Variants in TSNARE1 observed in about 807,000 individuals in gnomAD.
The protein encoded by TSNARE1 is t-SNARE domain-containing protein 1.
Under a neutral mutation model 62.0 loss-of-function variants are expected in TSNARE1, and 49 were observed. That is an observed-to-expected ratio of 0.79 (90% CI 0.63 to 1.00). The LOEUF is 1.00. Among genes scored for constraint, TSNARE1 ranks in the 50% least tolerant of loss-of-function variants. The pLI, the probability that TSNARE1 is intolerant of heterozygous loss-of-function variation, is 0.00. For missense variants in TSNARE1, 755 were observed against 700.1 expected (o/e 1.08, Z -0.88); for synonymous variants, 328 against 294.4 (o/e 1.11, Z -1.17).
chr8:142,253,990 G>A (rs950493587), intron 12 of TSNARE1, among the ~76,000 whole-genome samples: 52 of 152,240 alleles, frequency 3.4e-4, no homozygotes, highest in African/African-American at 9.9e-4. Context: ...GAGAGAAGAC[G>A]CCAAGCCTTT....
intron 11 of TSNARE1, chr8:142,280,009 C>T: frequency 3.3e-6 from 4 of 1,204,760 alleles, no homozygotes; most frequent in Non-Finnish European, 4.2e-6. Flanking sequence ...CAGGTCCCGC[C>T]ACTTGTGCTT....
intron 12 of TSNARE1, among the ~76,000 whole-genome samples, chr8:142,263,618 A>T (rs1037216596): frequency 6.6e-6 from 1 of 152,238 alleles, no homozygotes; most frequent in African/African-American, 2.4e-5. Context: ...TTTAAAAATC[A>T]TCTGGGTTTA....
At chr8:142,213,279 T>G (rs2129796119) in intron 13 of TSNARE1, among the ~76,000 whole-genome samples, 1 of 120,734 alleles carries the variant, frequency 8.3e-6, no homozygotes, top group South Asian at 3.6e-4. Flanking sequence ...GCCAGGGAAA[T>G]CCTGTGCGGA....
intron 12 of TSNARE1, among the ~76,000 whole-genome samples, chr8:142,251,522 C>T (rs1266424135): frequency 1.3e-5 from 2 of 152,164 alleles, no homozygotes; most frequent in African/African-American, 2.4e-5. Context: ...GTGCGGCAGG[C>T]TCCTGTCCGT....
chr8:142,308,484 G>C (rs1240750180), intron 9 of TSNARE1, among the ~76,000 whole-genome samples: 1 of 152,158 alleles, frequency 6.6e-6, no homozygotes, highest in African/African-American at 2.4e-5. Flanking sequence ...TGGCAGGGCA[G>C]TCCACCTCGG....
At chr8:142,224,494 G>A (rs10102774) in intron 13 of TSNARE1, among the ~76,000 whole-genome samples, 136,338 of 152,262 alleles carry the variant, frequency 0.9, 61,121 homozygotes, top group Non-Finnish European at 0.92. Flanking sequence ...TTGTGAATTG[G>A]GTCCTGGGAC....
At chr8:142,240,489 C>A (rs1817629233) in intron 12 of TSNARE1, among the ~76,000 whole-genome samples, 2 of 152,088 alleles carry the variant, frequency 1.3e-5, no homozygotes, top group South Asian at 2.1e-4. Context: ...ACAAAGTTAA[C>A]AAGCTTGATT....
intron 10 of TSNARE1, among the ~76,000 whole-genome samples, chr8:142,299,073 G>A (rs1825243498): frequency 6.6e-6 from 1 of 152,252 alleles, no homozygotes; most frequent in African/African-American, 2.4e-5. Flanking sequence ...CCTCTCCAGG[G>A]AGCCCGAGGA....
At chr8:142,238,329 T>C (rs1316734975) in intron 12 of TSNARE1, among the ~76,000 whole-genome samples, 2 of 152,060 alleles carry the variant, frequency 1.3e-5, no homozygotes, top group Non-Finnish European at 2.9e-5. Flanking sequence ...GTCACCTCCA[T>C]ATCTGGCAAT....
At chr8:142,307,248 C>T (rs563918320) in intron 9 of TSNARE1, among the ~76,000 whole-genome samples, 1 of 152,352 alleles carries the variant, frequency 6.6e-6, no homozygotes, top group East Asian at 1.9e-4. Context: ...CCACAGCTCA[C>T]TCTTTTGGCT....
At chr8:142,221,277 C>T (rs2129911065) in intron 13 of TSNARE1, among the ~76,000 whole-genome samples, 1 of 152,338 alleles carries the variant, frequency 6.6e-6, no homozygotes, top group East Asian at 1.9e-4. Flanking sequence ...TTGTCCCCAC[C>T]CTTCTGGGAT....
chr8:142,213,697 G>A (rs1227375800), intron 13 of TSNARE1, among the ~76,000 whole-genome samples: 3 of 152,166 alleles, frequency 2.0e-5, no homozygotes, highest in South Asian at 2.1e-4. Context: ...CTGGCTCCCC[G>A]AAATCCAATT....
At chr8:142,299,426 A>C (rs1563858116) in intron 10 of TSNARE1, among the ~76,000 whole-genome samples, 1 of 152,236 alleles carries the variant, frequency 6.6e-6, no homozygotes, top group Non-Finnish European at 1.5e-5. Flanking sequence ...TGGGAGCTTC[A>C]GAGTGGGCAG....
At chr8:142,391,943 G>C (rs1238634369) in intron 1 of TSNARE1, among the ~76,000 whole-genome samples, 1 of 152,254 alleles carries the variant, frequency 6.6e-6, no homozygotes, top group Non-Finnish European at 1.5e-5. Context: ...CAGCCACAGA[G>C]GTTTCCAACG....
At chr8:142,403,267 G>T (rs1391229831), upstream of TSNARE1, 1 of 151,338 alleles carries the variant, frequency 6.6e-6, no homozygotes, top group East Asian at 2.0e-4. Flanking sequence ...GGGACTACCC[G>T]CCCCAGAGGC....
intron 9 of TSNARE1, among the ~76,000 whole-genome samples, chr8:142,302,358 C>T (rs1825926683): frequency 6.6e-6 from 1 of 152,160 alleles, no homozygotes; most frequent in Admixed American, 6.5e-5. Flanking sequence ...GTAGGTGTCA[C>T]CACGTCTGGA....
At chr8:142,332,085 C>A (rs1831133474) in intron 4 of TSNARE1, among the ~76,000 whole-genome samples, 2 of 152,220 alleles carry the variant, frequency 1.3e-5, no homozygotes, top group Non-Finnish European at 2.9e-5. Flanking sequence ...AAAGGCAGCA[C>A]CCTGAGTTTC....
chr8:142,298,289 A>T (rs949314329), intron 10 of TSNARE1, among the ~76,000 whole-genome samples: 2 of 152,206 alleles, frequency 1.3e-5, no homozygotes, highest in Admixed American at 6.5e-5. Flanking sequence ...CACACTCACC[A>T]CACAGAGTGC....
chr8:142,313,046 CTG>C (rs1235373179), intron 9 of TSNARE1, among the ~76,000 whole-genome samples: 3 of 152,202 alleles, frequency 2.0e-5, no homozygotes, highest in South Asian at 2.1e-4. Flanking sequence ...GTCTACATGT[CTG>C]TGTTTATCTG....
Sources: allele counts gnomAD v4.1 joint callset (sites outside exome capture counted in the v4.1 genomes callset), GRCh38; gene constraint gnomAD v4.1.1; transcripts MANE v1.5; gene names NCBI Gene and HGNC (gene_info 2026-07-23, HGNC 2026-07-21).